The following IQCM variants were observed in gnomAD, a reference collection of about 807,000 sequenced individuals.
The protein encoded by IQCM is IQ domain-containing protein M.
A neutral mutation model predicts 57.6 loss-of-function variants in IQCM; 45 were observed. The ratio of observed to expected loss-of-function variants is 0.78; its 90% CI spans 0.62 to 1.00. The LOEUF (loss-of-function observed/expected upper bound fraction) is 1.00, where lower values mean the gene tolerates loss of function less well. Among genes scored for constraint, IQCM ranks in the 50% least tolerant of loss-of-function variants. IQCM has a pLI of 0.00. For synonymous variants in IQCM, 148 were observed against 158.9 expected (o/e 0.93, Z 0.51); for missense variants, 468 against 511.6 (o/e 0.91, Z 0.82).
chr4:149,366,286 G>A (rs929227457), intron 13 of IQCM, among the ~76,000 whole-genome samples: 7 of 151,840 alleles, frequency 4.6e-5, no homozygotes, highest in African/African-American at 9.7e-5. Context: ...AAAACCTAGG[G>A]TACAGTTTTC....
chr4:149,360,053 T>TA (rs112884251), intron 13 of IQCM, among the ~76,000 whole-genome samples: 15 of 149,202 alleles, frequency 1.0e-4, no homozygotes, highest in East Asian at 5.9e-4. Context: ...GTCATCTAGT[T>TA]AAAAAAAAAA....
chr4:149,557,968 A>G (rs1354607981), intron 10 of IQCM, among the ~76,000 whole-genome samples: 3 of 152,308 alleles, frequency 2.0e-5, no homozygotes, highest in African/African-American at 7.2e-5. Context: ...CACTGCATGA[A>G]CTTACTGTTA....
intron 13 of IQCM, among the ~76,000 whole-genome samples, chr4:149,370,901 A>G (rs1419675268): frequency 6.6e-6 from 1 of 152,220 alleles, no homozygotes; most frequent in Non-Finnish European, 1.5e-5. Flanking sequence ...TAGATAAATC[A>G]GATAGATAAA....
chr4:149,383,549 A>G (rs373527487), intron 13 of IQCM, among the ~76,000 whole-genome samples: 2 of 152,190 alleles, frequency 1.3e-5, no homozygotes, highest in East Asian at 3.9e-4. Flanking sequence ...TAAAGTCTTC[A>G]GCTACAAAAT....
intron 12 of IQCM, among the ~76,000 whole-genome samples, chr4:149,488,002 T>C (rs1741704036): frequency 6.6e-6 from 1 of 152,162 alleles, no homozygotes; most frequent in African/African-American, 2.4e-5. Context: ...GGGGGATGAA[T>C]GGTGTAGGCT....
At chr4:149,432,381 C>T (rs755146848) in intron 13 of IQCM, among the ~76,000 whole-genome samples, 29 of 151,726 alleles carry the variant, frequency 1.9e-4, no homozygotes, top group South Asian at 1.0e-3. Flanking sequence ...TGCAAAACTG[C>T]GAAGTTAATT....
intron 12 of IQCM, among the ~76,000 whole-genome samples, chr4:149,461,213 A>C (rs949524218): frequency 1.9e-4 from 29 of 150,160 alleles, no homozygotes; most frequent in Non-Finnish European, 3.7e-4. Flanking sequence ...AGCCCGGGCA[A>C]CAAGAGCAAA....
chr4:149,505,799 C>A (rs975498029), intron 12 of IQCM, among the ~76,000 whole-genome samples: 2 of 152,130 alleles, frequency 1.3e-5, no homozygotes, highest in Admixed American at 6.5e-5. Context: ...TATAAAAAAT[C>A]TGGTTGTTAC....
chr4:149,479,942 A>T (rs1048638220), intron 12 of IQCM, among the ~76,000 whole-genome samples: 14 of 152,200 alleles, frequency 9.2e-5, no homozygotes, highest in Admixed American at 1.3e-4. Flanking sequence ...GAAACAAGAT[A>T]ATACCCAGAA....
chr4:149,734,139 T>G lies in IQCM; in HGVS notation c.121-631A>C, dbSNP rs549639846. On this transcript the variant is annotated intron_variant, in intron 4 of 13. Coordinates refer to ENST00000636793, the MANE Select transcript of IQCM (RefSeq NM_001363507.2). Reference sequence around the variant, plus strand: ...TAACTGTTCTACACACAGAGAGAGCTATAGTTCTTCCCTATTCCCCCAACA... The same window carrying G: ...TAACTGTTCTACACACAGAGAGAGCGATAGTTCTTCCCTATTCCCCCAACA... 5.9e-5 allele frequency among the ~76,000 whole-genome samples: 9 copies of G among 152,180 alleles called. No individual in the cohort carries two copies. In the South Asian group the frequency reaches 1.9e-3, roughly 32 times the overall value.
chr4:149,367,753 A>T (rs1729943428), intron 13 of IQCM, among the ~76,000 whole-genome samples: 1 of 152,080 alleles, frequency 6.6e-6, no homozygotes, highest in African/African-American at 2.4e-5. Context: ...TATGAAAGTC[A>T]TATTTCTACC....
chr4:149,393,193 A>G (rs113601424), intron 13 of IQCM, among the ~76,000 whole-genome samples: 81 of 152,140 alleles, frequency 5.3e-4, no homozygotes, highest in African/African-American at 1.9e-3. Context: ...ATACGCATAT[A>G]TAAATAAATA....
At chr4:149,658,813 G>T (rs1759877311) in intron 7 of IQCM, among the ~76,000 whole-genome samples, 1 of 151,784 alleles carries the variant, frequency 6.6e-6, no homozygotes, top group South Asian at 2.1e-4. Context: ...ACTGATTTTT[G>T]TATGTTGATT....
intron 8 of IQCM, among the ~76,000 whole-genome samples, chr4:149,590,247 CTTTTTTTTTT>C (rs71596214): frequency 5.4e-5 from 4 of 73,608 alleles, no homozygotes; most frequent in South Asian, 1.2e-3. Flanking sequence ...TTTTTCTTTC[CTTTTTTTTTT>C]TTTTTTTTTT....
chr4:149,509,399 C>A (rs900197768), intron 12 of IQCM, among the ~76,000 whole-genome samples: 2 of 152,048 alleles, frequency 1.3e-5, no homozygotes, highest in African/African-American at 4.8e-5. Context: ...CTGCCTCAGT[C>A]TCCCCAGTAG....
chr4:149,635,132 G>A (rs1757612250), intron 7 of IQCM, among the ~76,000 whole-genome samples: 1 of 152,084 alleles, frequency 6.6e-6, no homozygotes, highest in African/African-American at 2.4e-5. Context: ...CAGACTCACA[G>A]CAAAACATGA....
At chr4:149,392,029 AT>A (rs1301501223) in intron 13 of IQCM, among the ~76,000 whole-genome samples, 2 of 150,378 alleles carry the variant, frequency 1.3e-5, no homozygotes, top group African/African-American at 4.9e-5. Flanking sequence ...TTCCTTGTTG[AT>A]CTTCTCCCTA....
chr4:149,425,708 A>G (rs1334266124), intron 13 of IQCM, among the ~76,000 whole-genome samples: 2 of 151,996 alleles, frequency 1.3e-5, no homozygotes, highest in African/African-American at 4.8e-5. Flanking sequence ...TCACCCAGAA[A>G]TAATGTTACC....
chr4:149,705,038 C>G (rs1039863025), intron 5 of IQCM, among the ~76,000 whole-genome samples: 1 of 151,444 alleles, frequency 6.6e-6, no homozygotes, highest in Admixed American at 6.6e-5. Context: ...CTTACAACAC[C>G]AGCTTTCCTG....
Sources: allele counts gnomAD v4.1 joint callset (sites outside exome capture counted in the v4.1 genomes callset), GRCh38; gene constraint gnomAD v4.1.1; transcripts MANE v1.5; gene names NCBI Gene and HGNC (gene_info 2026-07-23, HGNC 2026-07-21).